ANK2: variants seen among roughly 807,000 people sequenced by gnomAD.
The protein encoded by ANK2 is ankyrin-2.
Under a neutral mutation model 360.5 loss-of-function variants are expected in ANK2, and 83 were observed. The observed-to-expected ratio is 0.23, with a 90% CI of 0.19 to 0.28. ANK2 has a LOEUF of 0.28. Ranked by LOEUF, ANK2 falls within the 10% of genes least tolerant of loss-of-function variation. The pLI is 1.00. For missense variants in ANK2, 4,201 were observed against 4,795.7 expected, an observed-to-expected ratio of 0.88 and a Z score of 3.66; for synonymous variants, 1,740 against 1,759.5, an observed-to-expected ratio of 0.99 and a Z score of 0.28.
the ANK2 span, among the ~76,000 whole-genome samples, chr4:112,736,716 CA>C: frequency 6.6e-6 from 1 of 152,140 alleles, no homozygotes; most frequent in Non-Finnish European, 1.5e-5. Context: ...GGTTAATGCT[CA>C]TTCTGCAAAT....
At chr4:113,086,348 C>T (rs1376255569) in intron 1 of ANK2, among the ~76,000 whole-genome samples, 1 of 152,224 alleles carries the variant, frequency 6.6e-6, no homozygotes, top group Non-Finnish European at 1.5e-5. Context: ...GTTTGACTCC[C>T]ATATTACTTT....
intron 1 of ANK2, among the ~76,000 whole-genome samples, chr4:112,820,026 C>G (rs1240904609): frequency 6.6e-6 from 1 of 152,220 alleles, no homozygotes; most frequent in Non-Finnish European, 1.5e-5. Context: ...ACTGAAGAGG[C>G]CTGATTTCTC....
intron 1 of ANK2, among the ~76,000 whole-genome samples, chr4:113,166,362 A>G (rs138743165): frequency 3.3e-5 from 5 of 152,164 alleles, no homozygotes; most frequent in Non-Finnish European, 5.9e-5. Context: ...GAAATACCAA[A>G]TACAGATTTC....
intron 1 of ANK2, among the ~76,000 whole-genome samples, chr4:113,072,597 A>G (rs1033143628): frequency 1.3e-5 from 2 of 152,208 alleles, no homozygotes; most frequent in Non-Finnish European, 2.9e-5. Context: ...ACAGGGTGTG[A>G]GAGCACCTCA....
intron 9 of ANK2, among the ~76,000 whole-genome samples, chr4:113,249,489 T>C (rs1442245833): frequency 2.6e-5 from 4 of 152,232 alleles, no homozygotes; most frequent in African/African-American, 7.2e-5. Context: ...TTTCATTCCA[T>C]TGACCCTCTG....
At position 113,091,867 on chromosome 4, in the gene ANK2, C is replaced by A. The variant is rs78743224; in HGVS notation, c.84+42055C>A. On this transcript the variant is annotated intron_variant, in intron 1 of 45. Transcript: ENST00000357077. ...TTCAGTTTGCGCTCTCTCAGACATA[C>A]GTGACAGCCACCACTGAATTTCACA... Among the ~76,000 whole-genome samples the A allele has an allele frequency of 9.7e-3, 1,484 of 152,320 alleles. 42 individuals are homozygous for A. The East Asian group carries it at 0.1, about 11-fold the overall frequency.
chr4:113,334,388 T>G (rs866535449), intron 29 of ANK2, among the ~76,000 whole-genome samples: 12 of 152,186 alleles, frequency 7.9e-5, no homozygotes, highest in African/African-American at 2.4e-4. Context: ...CATTTAGGTT[T>G]AGGATATTTT....
the ANK2 span, among the ~76,000 whole-genome samples, chr4:112,807,844 C>T: frequency 6.6e-6 from 1 of 151,756 alleles, no homozygotes; most frequent in South Asian, 2.1e-4. Flanking sequence ...GTGGATGAGA[C>T]CAAAAAAAGA....
At chr4:113,135,649 C>T (rs1362658114) in intron 1 of ANK2, among the ~76,000 whole-genome samples, 1 of 152,056 alleles carries the variant, frequency 6.6e-6, no homozygotes, top group Non-Finnish European at 1.5e-5. Flanking sequence ...TATAGTGACA[C>T]TGATGGATAT....
intron 1 of ANK2, among the ~76,000 whole-genome samples, chr4:113,153,637 G>C (rs1369392782): frequency 6.6e-6 from 1 of 152,092 alleles, no homozygotes. Context: ...TGACAGACTA[G>C]ATGATTAATG....
chr4:113,084,469 A>T (rs2083678600), intron 1 of ANK2, among the ~76,000 whole-genome samples: 2 of 152,214 alleles, frequency 1.3e-5, no homozygotes, highest in South Asian at 4.1e-4. Context: ...TTAAATCCAT[A>T]ATTGAATACA....
intron 2 of ANK2, among the ~76,000 whole-genome samples, chr4:112,940,911 A>G (rs2094157952): frequency 6.6e-6 from 1 of 152,126 alleles, no homozygotes; most frequent in Admixed American, 6.6e-5. Flanking sequence ...ACAGCCGCTA[A>G]TGCTCACATT....
chr4:113,174,262 T>C (rs531307292), intron 1 of ANK2, among the ~76,000 whole-genome samples, 154 bp from the exon 2 acceptor site: 2 of 152,358 alleles, frequency 1.3e-5, no homozygotes, highest in East Asian at 1.9e-4. Flanking sequence ...CTACCTTATA[T>C]AGTGAATGAT....
intron 2 of ANK2, among the ~76,000 whole-genome samples, chr4:112,919,562 A>G (rs2090906998): frequency 6.6e-6 from 1 of 152,160 alleles, no homozygotes; most frequent in South Asian, 2.1e-4. Context: ...TGCGAGATAC[A>G]TAGAACTTTC....
intron 5 of ANK2, among the ~76,000 whole-genome samples, chr4:113,232,499 A>G (rs1482644300): frequency 6.6e-6 from 1 of 152,188 alleles, no homozygotes; most frequent in Non-Finnish European, 1.5e-5. Flanking sequence ...TGCTTCCATT[A>G]ATTTTCCATC....
intron 40 of ANK2, among the ~76,000 whole-genome samples, chr4:113,364,831 A>G (rs1376158427): frequency 6.6e-6 from 1 of 152,196 alleles, no homozygotes; most frequent in Admixed American, 6.5e-5. Flanking sequence ...TTATCTGACA[A>G]TTCTACTTTT....
chr4:112,832,741 A>C (rs2060080459), intron 1 of ANK2, among the ~76,000 whole-genome samples: 1 of 152,240 alleles, frequency 6.6e-6, no homozygotes, highest in South Asian at 2.1e-4. Flanking sequence ...ACTGTTATGC[A>C]CTATTGCTTC....
At chr4:112,845,047 G>A (rs192239811) in intron 1 of ANK2, among the ~76,000 whole-genome samples, 11 of 152,244 alleles carry the variant, frequency 7.2e-5, no homozygotes, top group South Asian at 2.1e-4. Context: ...CTGTGACGAC[G>A]TAACTTAAAT....
At chr4:112,875,516 G>A (rs537639149) in intron 1 of ANK2, among the ~76,000 whole-genome samples, 119 of 117,496 alleles carry the variant, frequency 1.0e-3, no homozygotes, top group African/African-American at 3.3e-3. Context: ...TTATTTATTT[G>A]TAGAGATGAG....
Sources: gnomAD v4.1 joint callset for allele counts (sites outside exome capture counted in the v4.1 genomes callset) on GRCh38, gnomAD v4.1.1 for gene constraint, MANE v1.5 for transcripts, NCBI Gene and HGNC (gene_info 2026-07-23, HGNC 2026-07-21) for gene names.